Variants in TRRAP observed in about 807,000 individuals in gnomAD.
TRRAP encodes the protein transformation/transcription domain associated protein.
TRRAP carries 41 observed loss-of-function variants against 438.8 expected under a neutral mutation model. That is an observed-to-expected ratio of 0.09 (90% CI 0.07 to 0.12). TRRAP has a LOEUF of 0.12. Among genes scored for constraint, TRRAP ranks in the 10% least tolerant of loss-of-function variants. The pLI is 1.00. For missense variants in TRRAP, 3,122 were observed against 5,055.1 expected (o/e 0.62, Z 11.60); for synonymous variants, 1,994 against 1,962.9 (o/e 1.02, Z -0.42).
intron 29 of TRRAP, 39 bp downstream of exon 29, chr7:98,937,316 G>T: frequency 9.4e-6 from 15 of 1,592,522 alleles, no homozygotes; most frequent in Non-Finnish European, 1.3e-5. Context: ...ACGCGTGTGT[G>T]CACACACATG....
At chr7:98,943,448 A>T (rs545948915) in intron 31 of TRRAP, among the ~76,000 whole-genome samples, 5 of 152,250 alleles carry the variant, frequency 3.3e-5, no homozygotes, top group African/African-American at 1.2e-4. Flanking sequence ...GCCTGATAAA[A>T]CCAACTGGTT....
At chr7:98,880,021 A>C (rs1037652646) in intron 1 of TRRAP, among the ~76,000 whole-genome samples, 32 of 152,286 alleles carry the variant, frequency 2.1e-4, no homozygotes, top group Middle Eastern at 3.4e-3. Context: ...TTAAAATAGA[A>C]ACCAAGTCTC....
intron 7 of TRRAP, 75 bp from the exon 8 acceptor site, chr7:98,897,656 TTTTTGTTTTG>T (rs782088643): frequency 8.6e-6 from 13 of 1,503,376 alleles, no homozygotes; most frequent in East Asian, 7.0e-5. Context: ...GTCAAGCGTC[TTTTTGTTTTG>T]TTTTGTTTTG....
intron 3 of TRRAP, among the ~76,000 whole-genome samples, chr7:98,888,552 G>A (rs1173489876): frequency 5.9e-5 from 9 of 152,276 alleles, no homozygotes; most frequent in Admixed American, 5.9e-4. Flanking sequence ...AAACTTAAAA[G>A]TTGAACTCCT....
At chr7:99,008,827 A>C (rs1794310455) in intron 70 of TRRAP, among the ~76,000 whole-genome samples, 1 of 152,336 alleles carries the variant, frequency 6.6e-6, no homozygotes, top group East Asian at 1.9e-4. Flanking sequence ...CTCTGCCTGT[A>C]CTTACAAAGA....
rs1219932950 is a variant in TRRAP at position 98,948,168 on chromosome 7, T to C, written c.4549-53T>C. ...TAGGGTCTGTAGTGACGTTGACCTC[T>C]GTCACTTGCAAAATTAATCGACCTG... is the stretch of plus-strand genomic sequence containing the variant. On this transcript the variant is annotated intron_variant, in intron 33 of 72. Coordinates refer to ENST00000456197, the MANE Select transcript of TRRAP (RefSeq NM_001375524.1). The surrounding 1 kb of genome is among the most constrained non-coding windows in gnomAD (Gnocchi z 4.9). 1.9e-6 allele frequency: 3 copies of C among 1,609,246 alleles called. No homozygotes were observed. The highest frequency in any genetic ancestry group is 2.7e-5 in the African/African-American group (2 of 74,922).
intron 39 of TRRAP, among the ~76,000 whole-genome samples, chr7:98,952,448 G>A (rs1292216177): frequency 6.6e-6 from 1 of 152,172 alleles, no homozygotes; most frequent in Non-Finnish European, 1.5e-5. Flanking sequence ...AATCAAAGAG[G>A]TCTTCTTTTC....
chr7:98,908,917 G>T lies in TRRAP; in HGVS notation c.1305G>T (p.Glu435Asp). ...NLVDCIRSKSEQESGNGRDVL... is the reference protein window; with the variant it reads ...NLVDCIRSKSDQESGNGRDVL... ...TGGACTGCATCCGTTCCAAGAGCGA[G>T]CAGGAGAGTGGCAATGGGAGAGACG... Residue 435 changes from glutamate (E) to aspartate (D), a missense_variant, in exon 14 of 73, where the codon GAG (glutamate) becomes GAT (aspartate). Around this residue, in one of 24 missense-constraint regions of TRRAP, gnomAD observed 343 missense variants for 564.0 expected, o/e 0.61. Coordinates refer to ENST00000456197, the MANE Select transcript of TRRAP (RefSeq NM_001375524.1). This position sits in a 1 kb window ranked among gnomAD's most constrained non-coding sequence, Gnocchi z 4.1. 1.2e-6 allele frequency: 2 copies of T among 1,613,984 alleles called. No individual in the cohort carries two copies. Among genetic ancestry groups the T allele is most frequent in the Non-Finnish European group, 1.7e-6 (2 of 1,179,936 alleles).
chr7:98,962,179 A>C (rs1791925954), intron 46 of TRRAP, 123 bp from the exon 47 acceptor site: 4 of 1,444,984 alleles, frequency 2.8e-6, no homozygotes, highest in Non-Finnish European at 2.9e-6. Flanking sequence ...ACTGTCCTGC[A>C]GGGAGAGAAG....
rs748729725 is a variant in TRRAP at position 98,988,768 on chromosome 7, C to A, written c.9393C>A (p.Ser3131=). 6 of 1,613,800 alleles carry A rather than the reference C, an allele frequency of 3.7e-6. No homozygotes were observed. The African/African-American group carries it at 5.3e-5, about 14-fold the overall frequency. Residue 3131 remains serine, a synonymous_variant, in exon 63 of 73, where the codon TCC becomes TCA. Transcript: ENST00000456197. The part of the protein sequence containing the change: ...KGMFLAQINK[S]EEANKAFSAA... ...TTGGTTTTCTGTCTCCTCACAGGTC[C>A]GAGGAGGCAAACAAAGCCTTCTCTG...
intron 5 of TRRAP, 62 bp from the exon 6 acceptor site, chr7:98,893,736 A>G: frequency 6.9e-7 from 1 of 1,458,310 alleles, no homozygotes; most frequent in Non-Finnish European, 9.5e-7. Flanking sequence ...GAAACTGCTG[A>G]GAAAATTAGC....
chr7:98,992,338 C>A, intron 65 of TRRAP, 111 bp downstream of exon 65: 1 of 1,133,520 alleles, frequency 8.8e-7, no homozygotes, highest in South Asian at 1.3e-5. Flanking sequence ...TCACTCATAG[C>A]CGTGGCCAAT....
chr7:98,907,903 G>C (rs187308669), intron 13 of TRRAP, among the ~76,000 whole-genome samples: 2 of 151,024 alleles, frequency 1.3e-5, no homozygotes, highest in Admixed American at 6.6e-5. Context: ...TAGCCATGCT[G>C]GCCCCTACAG....
intron 30 of TRRAP, among the ~76,000 whole-genome samples, chr7:98,941,472 G>GT (rs1423906983): frequency 1.7e-4 from 26 of 152,298 alleles, no homozygotes; most frequent in African/African-American, 6.3e-4. Context: ...GCCTGGCCAT[G>GT]TGCTTGATTG....
At chr7:98,880,996 C>T (rs1319266421) in intron 1 of TRRAP, 94 bp from the exon 2 acceptor site, 10 of 470,422 alleles carry the variant, frequency 2.1e-5, no homozygotes, top group Admixed American at 1.2e-4. Flanking sequence ...AAGATGAAAG[C>T]GTATCGATTA....
chr7:98,969,123 C>A (rs1428496204), intron 51 of TRRAP, among the ~76,000 whole-genome samples: 1 of 152,218 alleles, frequency 6.6e-6, no homozygotes, highest in East Asian at 1.9e-4. Flanking sequence ...TAGTGTTCAA[C>A]CACCTCCCCT....
chr7:98,968,934 A>G (rs1047172464), intron 51 of TRRAP, among the ~76,000 whole-genome samples: 10 of 152,232 alleles, frequency 6.6e-5, no homozygotes, highest in African/African-American at 2.2e-4. Flanking sequence ...AAAAAGACAA[A>G]GACAGACGAC....
At position 98,950,898 on chromosome 7, in the gene TRRAP, C is replaced by T. The variant is rs1554418107; in HGVS notation, c.5357C>T (p.Pro1786Leu). ...KAKVLQHILNPAFLYSFEKGE... is the reference protein window; with the variant it reads ...KAKVLQHILNLAFLYSFEKGE... ...TAGGTTCTGCAGCATATCTTGAATCCTGCTTTCTTGTACAGCTTTGAGAAG... is the reference window on the plus strand; with the variant it reads ...TAGGTTCTGCAGCATATCTTGAATCTTGCTTTCTTGTACAGCTTTGAGAAG... Residue 1786 changes from proline (P) to leucine (L), a missense_variant, in exon 39 of 73, where the codon CCT becomes CTT. Pro to Leu is a moderately conservative substitution (Grantham distance 98). Transcript: ENST00000456197. 1 of 1,577,430 alleles carries T rather than the reference C, an allele frequency of 6.3e-7. No individual in the cohort carries two copies. The highest frequency in any genetic ancestry group is 8.6e-7 in the Non-Finnish European group (1 of 1,167,432).
intron 58 of TRRAP, among the ~76,000 whole-genome samples, chr7:98,979,664 C>G (rs1792825281): frequency 6.6e-6 from 1 of 152,218 alleles, no homozygotes; most frequent in South Asian, 2.1e-4. Flanking sequence ...TCCCTTCTTT[C>G]TCCTTCCCAA....
Sources: allele counts gnomAD v4.1 joint callset (sites outside exome capture counted in the v4.1 genomes callset), GRCh38; gene constraint gnomAD v4.1.1; regional missense constraint gnomAD v4.1.1; non-coding constraint Gnocchi (gnomAD v3.1); transcripts MANE v1.5; gene names NCBI Gene and HGNC (gene_info 2026-07-23, HGNC 2026-07-21).